DLG1: variants seen among roughly 807,000 people sequenced by gnomAD.
DLG1 encodes the protein disks large homolog 1.
In DLG1, 42 loss-of-function variants were observed where a neutral mutation model predicts 123.4. The ratio of observed to expected loss-of-function variants is 0.34; its 90% CI spans 0.27 to 0.44. DLG1 has a LOEUF of 0.44. Among genes scored for constraint, DLG1 ranks in the 20% least tolerant of loss-of-function variants. The probability of loss-of-function intolerance (pLI) is 1.00; values close to 1 mark genes in which losing one functional copy is unlikely to be tolerated. For synonymous variants in DLG1, 317 were observed against 356.2 expected, an observed-to-expected ratio of 0.89 and a Z score of 1.24; for missense variants, 942 against 1,082.6, an observed-to-expected ratio of 0.87 and a Z score of 1.82.
At chr3:197,047,238 C>T (rs1723940722) in intron 24 of DLG1, among the ~76,000 whole-genome samples, 1 of 151,930 alleles carries the variant, frequency 6.6e-6, no homozygotes, top group African/African-American at 2.4e-5. Flanking sequence ...TTAGAAAATA[C>T]ACACTGAAAT....
intron 4 of DLG1, among the ~76,000 whole-genome samples, chr3:197,247,214 T>A (rs1463680492): frequency 6.6e-6 from 1 of 152,208 alleles, no homozygotes; most frequent in East Asian, 1.9e-4. Flanking sequence ...TCTGAATATC[T>A]TTGTTGCACT....
At chr3:197,288,222 G>A (rs891153994) in intron 3 of DLG1, among the ~76,000 whole-genome samples, 2 of 151,862 alleles carry the variant, frequency 1.3e-5, no homozygotes, top group South Asian at 2.1e-4. Context: ...AAACTAGCTA[G>A]GCGTGGTGGC....
At chr3:197,222,634 T>G (rs1225949983) in intron 4 of DLG1, among the ~76,000 whole-genome samples, 4 of 152,132 alleles carry the variant, frequency 2.6e-5, no homozygotes, top group Admixed American at 2.0e-4. Flanking sequence ...AAGCTACTTG[T>G]ATCCCTGGCC....
At chr3:197,053,220 G>A (rs372028007) in intron 23 of DLG1, among the ~76,000 whole-genome samples, 1 of 152,230 alleles carries the variant, frequency 6.6e-6, no homozygotes, top group African/African-American at 2.4e-5. Context: ...TAATTATGAC[G>A]TTTGCTTTGA....
chr3:197,259,352 T>C (rs1037711491), intron 4 of DLG1, among the ~76,000 whole-genome samples: 5 of 152,184 alleles, frequency 3.3e-5, no homozygotes, highest in Non-Finnish European at 7.4e-5. Flanking sequence ...GAACTAGAAC[T>C]CTGAGCAACA....
chr3:197,166,021 G>A (rs574992913), intron 5 of DLG1, among the ~76,000 whole-genome samples: 2 of 152,308 alleles, frequency 1.3e-5, no homozygotes, highest in South Asian at 4.1e-4. Flanking sequence ...GGCAGGGAGT[G>A]GAAGGGAGGC....
At chr3:197,163,616 G>A (rs1006971977) in intron 5 of DLG1, among the ~76,000 whole-genome samples, 9 of 150,578 alleles carry the variant, frequency 6.0e-5, no homozygotes, top group African/African-American at 1.7e-4. Context: ...TCCGCCTCCC[G>A]GGTTCAAGCA....
chr3:197,237,985 C>T (rs1465765810), intron 4 of DLG1, among the ~76,000 whole-genome samples: 1 of 152,168 alleles, frequency 6.6e-6, no homozygotes, highest in Non-Finnish European at 1.5e-5. Context: ...CCACTGGTAA[C>T]AAAAGCTTCT....
chr3:197,118,201 G>A (rs1373344621), intron 12 of DLG1, among the ~76,000 whole-genome samples: 1 of 152,092 alleles, frequency 6.6e-6, no homozygotes, highest in Non-Finnish European at 1.5e-5. Flanking sequence ...TTATTTTTTA[G>A]TTTGTAAAAT....
chr3:197,089,036 C>T (rs1036426486), intron 15 of DLG1, among the ~76,000 whole-genome samples: 8 of 151,950 alleles, frequency 5.3e-5, no homozygotes, highest in East Asian at 3.9e-4. Context: ...AAGACTAATG[C>T]GCAAAACTGG....
chr3:197,221,766 C>T (rs993532613), intron 4 of DLG1, among the ~76,000 whole-genome samples: 2 of 152,188 alleles, frequency 1.3e-5, no homozygotes, highest in Non-Finnish European at 2.9e-5. Flanking sequence ...CTTTGCCCAA[C>T]ACTACAATCT....
At chr3:197,123,367 TAG>T (rs1484931039) in intron 11 of DLG1, among the ~76,000 whole-genome samples, 7 of 152,158 alleles carry the variant, frequency 4.6e-5, no homozygotes, top group African/African-American at 1.4e-4. Context: ...TGTAACTGAT[TAG>T]AGTTATTTCT....
intron 17 of DLG1, chr3:197,080,454 CTT>C (rs35708797): frequency 0.28 from 27,287 of 97,356 alleles, 3,689 homozygotes; most frequent in South Asian, 0.37. Context: ...AATTTTTTAC[CTT>C]TTTTTTTTTT....
In DLG1 at chr3:197,146,757, G is replaced by C. The variant is rs147662353; in HGVS notation, c.537+2986C>G. 8.4e-3 allele frequency among the ~76,000 whole-genome samples: 1,280 copies of C among 152,236 alleles called. 15 individuals carry two copies. The highest frequency in any genetic ancestry group is 0.017 in the Middle Eastern group (5 of 294). On this transcript the variant is annotated intron_variant, in intron 6 of 24. Transcript: ENST00000667157. ...GCTTAGGCAAAGACTTCATGACCAA[G>C]AACCCAAAAGCAAATCCAACAAAAA...
chr3:197,205,476 G>A (rs994933910), intron 4 of DLG1, among the ~76,000 whole-genome samples: 1 of 151,944 alleles, frequency 6.6e-6, no homozygotes, highest in East Asian at 1.9e-4. Context: ...GTCAGAATAG[G>A]TAAATATCAA....
chr3:197,295,269 T>C (rs1043216941), intron 3 of DLG1, among the ~76,000 whole-genome samples: 1 of 152,180 alleles, frequency 6.6e-6, no homozygotes, highest in African/African-American at 2.4e-5. Flanking sequence ...TACAAAAATC[T>C]TTCATTCTAA....
At chr3:197,179,056 AT>A (rs1304429751) in intron 5 of DLG1, among the ~76,000 whole-genome samples, 2 of 152,132 alleles carry the variant, frequency 1.3e-5, no homozygotes, top group Non-Finnish European at 2.9e-5. Context: ...CAGTTCATTT[AT>A]TTTAGCAGGC....
At chr3:197,122,925 C>T (rs894417329) in intron 11 of DLG1, among the ~76,000 whole-genome samples, 1 of 152,006 alleles carries the variant, frequency 6.6e-6, no homozygotes, top group African/African-American at 2.4e-5. Context: ...ATTTACTTTA[C>T]ATCAATATTT....
chr3:197,184,477 A>G (rs575342348), intron 5 of DLG1, among the ~76,000 whole-genome samples: 1 of 152,208 alleles, frequency 6.6e-6, no homozygotes, highest in African/African-American at 2.4e-5. Flanking sequence ...AAGTTGTTCA[A>G]AGGTGCTGCC....
Sources: allele counts gnomAD v4.1 joint callset (sites outside exome capture counted in the v4.1 genomes callset), GRCh38; gene constraint gnomAD v4.1.1; transcripts MANE v1.5; gene names NCBI Gene and HGNC (gene_info 2026-07-23, HGNC 2026-07-21).